The following TTC7A variants were observed in gnomAD, a reference collection of about 807,000 sequenced individuals.
The protein encoded by TTC7A is tetratricopeptide repeat protein 7A.
A neutral mutation model predicts 103.7 loss-of-function variants in TTC7A; 110 were observed. The ratio of observed to expected loss-of-function variants is 1.06; its 90% CI spans 0.91 to 1.24. TTC7A has a LOEUF of 1.24. TTC7A is among the 50% of genes most tolerant of loss of function. TTC7A has a pLI of 0.00. For synonymous variants in TTC7A, 521 were observed against 467.9 expected (o/e 1.11, Z -1.47); for missense variants, 1,340 against 1,116.3 (o/e 1.20, Z -2.86).
At chr2:46,946,462 T>G (rs1435743387) in intron 1 of TTC7A, among the ~76,000 whole-genome samples, 2 of 152,232 alleles carry the variant, frequency 1.3e-5, no homozygotes. Flanking sequence ...ATTGCCCTGT[T>G]GCCTAGGCTG....
At chr2:47,036,481 C>G (rs1427346811) in intron 15 of TTC7A, among the ~76,000 whole-genome samples, 1 of 152,132 alleles carries the variant, frequency 6.6e-6, no homozygotes, top group Non-Finnish European at 1.5e-5. Flanking sequence ...AAAAATGTCC[C>G]TTCTGTGTTA....
Position 47,050,062 on chromosome 2 carries a change from T to A in TTC7A, c.2017+16T>A. 1.3e-6 allele frequency: 2 copies of A among 1,599,062 alleles called. No homozygotes were observed. Among genetic ancestry groups the A allele is most frequent in the Non-Finnish European group, 8.6e-7 (1 of 1,166,736 alleles). On this transcript the variant is annotated intron_variant, in intron 17 of 19. Transcript: ENST00000319190. ...GCAGACTCTGGTAAGAACGAGCTCC[T>A]TGGGCCACTGTGTGCATGGACCCAC...
chr2:46,981,454 G>T (rs1386149791), intron 5 of TTC7A, among the ~76,000 whole-genome samples: 3 of 152,092 alleles, frequency 2.0e-5, no homozygotes, highest in African/African-American at 4.8e-5. Flanking sequence ...GGGCTTTGGT[G>T]GGGGCAGGCG....
chr2:46,944,713 A>C (rs900100180), intron 1 of TTC7A, among the ~76,000 whole-genome samples: 3 of 151,946 alleles, frequency 2.0e-5, no homozygotes, highest in Admixed American at 1.3e-4. Context: ...CTAATTTTCA[A>C]ATTTTTTTGT....
In TTC7A at chr2:46,942,989, T is replaced by A. The variant is rs538439772; in HGVS notation, c.184+1264T>A. Among the ~76,000 whole-genome samples, 9 of 152,268 alleles carry A rather than the reference T, an allele frequency of 5.9e-5. No homozygotes were observed. The South Asian group carries it at 1.9e-3, about 32-fold the overall frequency. On this transcript the variant is annotated intron_variant, in intron 1 of 19. Coordinates refer to ENST00000319190, the MANE Select transcript of TTC7A (RefSeq NM_020458.4). Reference sequence around the variant, plus strand: ...AGTGCGATCTCAGCTCACTGCAGCCTCAACTTCCTGGGCTCAAGCGATCAT... The same window carrying A: ...AGTGCGATCTCAGCTCACTGCAGCCACAACTTCCTGGGCTCAAGCGATCAT...
intron 5 of TTC7A, among the ~76,000 whole-genome samples, chr2:46,980,454 C>T (rs948239778): frequency 6.6e-6 from 1 of 152,128 alleles, no homozygotes; most frequent in Non-Finnish European, 1.5e-5. Context: ...TCAAGTGATC[C>T]TCCCGCTTCA....
At chr2:47,041,665 A>G (rs1210256264) in intron 15 of TTC7A, among the ~76,000 whole-genome samples, 2 of 151,486 alleles carry the variant, frequency 1.3e-5, no homozygotes, top group Non-Finnish European at 2.9e-5. Context: ...AGGCAGGAGA[A>G]TTGCTTGAAC....
intron 18 of TTC7A, among the ~76,000 whole-genome samples, chr2:47,056,122 G>A (rs182840145): frequency 6.6e-6 from 1 of 152,316 alleles, no homozygotes; most frequent in East Asian, 1.9e-4. Flanking sequence ...ACCAACCTGA[G>A]AACTCCCTGG....
In TTC7A at chr2:47,046,369, C is replaced by T. The variant is rs2104702071; in HGVS notation, c.1857C>T (p.Ala619=). ...LEQVLKGPEE[A]LVTCRQVLRL... Reference sequence around the variant, plus strand: ...AGGTGCTGAAAGGCCCAGAGGAAGCCCTCGTGACCTGCAGACAAGTGCTGA... The same window carrying T: ...AGGTGCTGAAAGGCCCAGAGGAAGCTCTCGTGACCTGCAGACAAGTGCTGA... The change falls in exon 16 of 20, where the codon GCC becomes GCT. Residue 619 remains alanine, a synonymous_variant. Coordinates refer to ENST00000319190, the MANE Select transcript of TTC7A (RefSeq NM_020458.4). 5 of 1,614,170 alleles carry T rather than the reference C, an allele frequency of 3.1e-6. No individual in the cohort carries two copies. The highest frequency in any genetic ancestry group is 1.1e-5 in the South Asian group (1 of 91,072).
intron 11 of TTC7A, among the ~76,000 whole-genome samples, chr2:47,012,093 C>T (rs1022654261): frequency 1.3e-5 from 2 of 152,192 alleles, no homozygotes; most frequent in African/African-American, 4.8e-5. Flanking sequence ...GAGAACAGTG[C>T]CAGGAGCCCA....
In TTC7A at chr2:47,029,247, G is replaced by T; in HGVS notation, c.1665G>T (p.Leu555=). Residue 555 remains leucine, a synonymous_variant, in exon 15 of 20, where the codon CTG becomes CTT. Transcript: ENST00000319190. ...VRQISSAMEQ[L]QEALKVRKDD... ...AGATCTCCAGTGCCATGGAGCAGCTGCAGGAGGCCCTGAAGGTACGCAAGG... is the reference window on the plus strand; with the variant it reads ...AGATCTCCAGTGCCATGGAGCAGCTTCAGGAGGCCCTGAAGGTACGCAAGG... 6.2e-7 allele frequency: 1 copy of T among 1,613,926 alleles called. No individual in the cohort carries two copies. The highest frequency in any genetic ancestry group is 8.5e-7 in the Non-Finnish European group (1 of 1,180,014).
chr2:46,993,445 A>G lies in TTC7A; in HGVS notation c.765-5A>G. The stretch of plus-strand genomic sequence containing the variant: ...ACAAATCTACTTCTGCCGTCCTCCC[A>G]CCAGGAACATCGTGAAGGGCATGAG... On this transcript the variant is annotated splice_region_variant and splice_polypyrimidine_tract_variant and intron_variant, in intron 5 of 19. Transcript: ENST00000319190. The G allele has an allele frequency of 2.5e-6, 4 of 1,614,124 alleles. No individual in the cohort carries two copies. Among genetic ancestry groups the G allele is most frequent in the Non-Finnish European group, 3.4e-6 (4 of 1,179,956 alleles).
chr2:47,006,905 C>T (rs908492517), intron 10 of TTC7A, among the ~76,000 whole-genome samples, 181 bp downstream of exon 10: 2 of 152,130 alleles, frequency 1.3e-5, no homozygotes, highest in African/African-American at 2.4e-5. Flanking sequence ...TTCCTGTCCA[C>T]GTGCGAGCTG....
At position 46,994,396 on chromosome 2, in the gene TTC7A, C is replaced by G; in HGVS notation, c.883C>G (p.Leu295Val). 6.2e-7 allele frequency: 1 copy of G among 1,613,992 alleles called. No individual in the cohort carries two copies. Among genetic ancestry groups the G allele is most frequent in the South Asian group, 1.1e-5 (1 of 91,068 alleles). ...KHLAGVLLHS[L>V]SEECYWSPLS... The stretch of plus-strand genomic sequence containing the variant: ...CCTGGCGGGGGTCCTGCTGCACTCC[C>G]TGAGTGAGGAGTGCTACTGGAGCCC... The change falls in exon 7 of 20, where the codon CTG becomes GTG. Residue 295 changes from leucine to valine, a missense_variant. Coordinates refer to ENST00000319190, the MANE Select transcript of TTC7A (RefSeq NM_020458.4).
At chr2:46,923,534 G>A (rs1669219021) in intron 2 of TTC7A, among the ~76,000 whole-genome samples, 1 of 152,176 alleles carries the variant, frequency 6.6e-6, no homozygotes, top group Non-Finnish European at 1.5e-5. Flanking sequence ...ATATGTGAAA[G>A]TATCAGACCT....
intron 3 of TTC7A, among the ~76,000 whole-genome samples, chr2:46,969,075 T>G (rs1462319202): frequency 2.0e-5 from 3 of 152,082 alleles, no homozygotes; most frequent in African/African-American, 7.2e-5. Flanking sequence ...CCTTATTTTC[T>G]ATTGATATAG....
intron 10 of TTC7A, among the ~76,000 whole-genome samples, chr2:47,009,948 G>A (rs918700843): frequency 2.7e-5 from 4 of 149,206 alleles, no homozygotes; most frequent in African/African-American, 9.9e-5. Flanking sequence ...GAAACAGGCC[G>A]CCTTTCTGGC....
intron 19 of TTC7A, among the ~76,000 whole-genome samples, chr2:47,066,381 C>T (rs1052504435): frequency 2.6e-5 from 4 of 152,140 alleles, no homozygotes; most frequent in African/African-American, 9.7e-5. Context: ...ACCCCTGGTA[C>T]CTCCCAAGGC....
At chr2:47,002,739 C>T (rs1676955045) in intron 8 of TTC7A, among the ~76,000 whole-genome samples, 4 of 152,170 alleles carry the variant, frequency 2.6e-5, no homozygotes, top group Non-Finnish European at 4.4e-5. Flanking sequence ...TTCTCTGTCC[C>T]ATTTCCCCCT....
Sources: gnomAD v4.1 joint callset for allele counts (sites outside exome capture counted in the v4.1 genomes callset) on GRCh38, gnomAD v4.1.1 for gene constraint, MANE v1.5 for transcripts, NCBI Gene and HGNC (gene_info 2026-07-23, HGNC 2026-07-21) for gene names.